Variants in PBDC1 observed in about 807,000 individuals in gnomAD.
The protein encoded by PBDC1 is polysaccharide biosynthesis domain containing 1, also known as protein PBDC1.
A neutral mutation model predicts 12.0 loss-of-function variants in PBDC1; 3 were observed. The observed-to-expected ratio is 0.25, with a 90% confidence interval of 0.11 to 0.64. The LOEUF is 0.64. Among genes scored for constraint, PBDC1 ranks in the 30% least tolerant of loss-of-function variants. PBDC1 has a pLI of 0.84. For missense variants in PBDC1, 162 were observed against 168.1 expected (o/e 0.96, Z 0.20); for synonymous variants, 64 against 56.4 (o/e 1.13, Z -0.60).
intron 2 of PBDC1, among the ~76,000 whole-genome samples, chrX:76,173,942 T>A (rs1924726591): frequency 8.9e-6 from 1 of 112,056 alleles, no homozygotes; most frequent in African/African-American, 3.3e-5. Context: ...AATGTCTGGG[T>A]AATGAGAGCC....
At chrX:76,175,956 G>A (rs782147313) in intron 4 of PBDC1, among the ~76,000 whole-genome samples, 1 of 111,083 alleles carries the variant, frequency 9.0e-6, no homozygotes, top group African/African-American at 3.3e-5. Flanking sequence ...TGATTCTCTG[G>A]ATTTAAGTTC....
chrX:76,177,876 G>T lies in PBDC1; in HGVS notation c.670G>T (p.Glu224Ter). ...AGAAAAAGGGAAAGAAGCTGACAAA[G>T]AAATCAACAAAAGTGGTGAAAAAGC... ...GGEKGKEADKEINKSGEKAM is the reference protein window; with the variant it reads ...GGEKGKEADK Residue 224 changes from glutamate to a stop codon, truncating the protein, a stop_gained, in exon 6 of 6, where the codon GAA becomes TAA. Coordinates refer to ENST00000373358, the MANE Select transcript of PBDC1 (RefSeq NM_016500.5). LOFTEE classifies it low-confidence loss of function (END_TRUNC). The T allele has an allele frequency of 8.3e-7, 1 of 1,211,271 alleles. No individual in the cohort carries two copies. Among genetic ancestry groups the T allele is most frequent in the African/African-American group, 1.7e-5 (1 of 57,750 alleles).
chrX:76,173,530 G>A, intron 1 of PBDC1, 55 bp from the exon 2 acceptor site: 1 of 964,491 alleles, frequency 1.0e-6, no homozygotes, highest in Non-Finnish European at 1.4e-6. Flanking sequence ...GCCTTGGGGG[G>A]AGCCACCGCG....
At chrX:76,174,841 G>A (rs1924748580) in intron 2 of PBDC1, 49 bp from the exon 3 acceptor site, 4 of 1,042,649 alleles carry the variant, frequency 3.8e-6, no homozygotes, top group Non-Finnish European at 5.4e-6. Flanking sequence ...TTGCTATTCA[G>A]TAGTAGGATG....
chrX:76,175,070 G>A (rs1924756306), intron 3 of PBDC1, 121 bp downstream of exon 3: 2 of 595,897 alleles, frequency 3.4e-6, no homozygotes, highest in South Asian at 2.9e-5. Context: ...TTTTATTAAT[G>A]TAAGTTCTTA....
At position 76,177,831 on chromosome X, in the gene PBDC1, G is replaced by A. The variant is rs782003432; in HGVS notation, c.625G>A (p.Asp209Asn). 2 of 1,203,691 alleles carry A rather than the reference G, an allele frequency of 1.7e-6. No homozygotes were observed. Among genetic ancestry groups the A allele is most frequent in the African/African-American group, 3.5e-5 (2 of 56,463 alleles). Residue 209 changes from aspartate to asparagine, a missense_variant, in exon 6 of 6, where the codon GAC becomes AAC. By Grantham distance (23) the Asp-to-Asn change is conservative. Around this residue, in one of 3 missense-constraint regions of PBDC1, gnomAD observed 100 missense variants for 96.2 expected, o/e 1.04. Transcript: ENST00000373358. ...EEKEEGINRE[D>N]KTDKGGEKGK... is the part of the protein sequence containing the mutation. ...AAAAGAGGAAGGAATCAACAGAGAA[G>A]ACAAAACTGACAAAGGAGGAGAAAA...
Position 76,178,030 on chromosome X carries a change from A to G in PBDC1, c.*122A>G. On this transcript the variant is annotated 3_prime_UTR_variant, in exon 6 of 6. Coordinates refer to ENST00000373358, the MANE Select transcript of PBDC1 (RefSeq NM_016500.5). Reference sequence around the variant, plus strand: ...CTTGTACAATTGAAGGATACGCAGAAGGACATCTTTCTAGTCTAACAGTCA... The same window carrying G: ...CTTGTACAATTGAAGGATACGCAGAGGGACATCTTTCTAGTCTAACAGTCA... 1 of 1,139,303 alleles carries G rather than the reference A, an allele frequency of 8.8e-7. No individual in the cohort carries two copies. Among genetic ancestry groups the G allele is most frequent in the Non-Finnish European group, 1.2e-6 (1 of 856,360 alleles). The allele number at this position is 1,139,303 out of a possible 1,213,427, so 93.9% of individuals were successfully genotyped here.
Position 76,177,800 on chromosome X carries a change from A to G in PBDC1, c.594A>G (p.Gly198=). ...GAGGAGAGAAAGGAGCTGATAGTGG[A>G]GAAGAAAAAGAGGAAGGAATCAACA... ...KNGGEKGADS[G]EEKEEGINRE... Residue 198 remains glycine, a synonymous_variant, in exon 6 of 6, where the codon GGA becomes GGG. Coordinates refer to ENST00000373358, the MANE Select transcript of PBDC1 (RefSeq NM_016500.5). The G allele has an allele frequency of 8.3e-7, 1 of 1,201,779 alleles. No individual in the cohort carries two copies. Among genetic ancestry groups the G allele is most frequent in the East Asian group, 3.0e-5 (1 of 33,513 alleles).
intron 4 of PBDC1, among the ~76,000 whole-genome samples, chrX:76,176,331 T>G (rs782449303): frequency 9.0e-6 from 1 of 110,599 alleles, no homozygotes; most frequent in African/African-American, 3.3e-5. Flanking sequence ...TATTTTGTAT[T>G]TTTGGTAGAG....
rs200499663 is a variant in PBDC1, at chrX:76,177,671, C to T, written c.465C>T (p.Asn155=). Residue 155 remains asparagine (N), a synonymous_variant, in exon 6 of 6, where the codon AAC becomes AAT. Coordinates refer to ENST00000373358, the MANE Select transcript of PBDC1 (RefSeq NM_016500.5). ...IEIARNREGY[N]KAVYISVQDK... ...TTGCTCGGAACCGGGAAGGCTATAA[C>T]AAAGCTGTTTATATCAGTGTTCAGG... The T allele has an allele frequency of 2.6e-4, 304 of 1,191,569 alleles. 1 individual carries two copies. Among genetic ancestry groups the T allele is most frequent in the Admixed American group, 2.0e-4 (8 of 40,050 alleles).
chrX:76,174,267 G>A (rs1307306588), intron 2 of PBDC1, among the ~76,000 whole-genome samples: 1 of 111,425 alleles, frequency 9.0e-6, no homozygotes, highest in Non-Finnish European at 1.9e-5. Context: ...CGTGGGAAAA[G>A]TGCATGGTCT....
At position 76,178,142 on chromosome X, in the gene PBDC1, T is replaced by A; in HGVS notation, c.*234T>A. The A allele has an allele frequency of 2.3e-6, 1 of 434,679 alleles. No individual in the cohort carries two copies. Among genetic ancestry groups the A allele is most frequent in the Non-Finnish European group, 3.8e-6 (1 of 265,491 alleles). 35.8% of individuals were successfully genotyped at this position (434,679 alleles called of 1,213,427 possible). A position where few individuals can be genotyped will look rare whatever the true frequency, so the allele number is the denominator to read the frequency against. On this transcript the variant is annotated 3_prime_UTR_variant, in exon 6 of 6. Transcript: ENST00000373358. ...TGATTTTTCCTGGTATACTGTTTCT[T>A]GGCTGACACTACTGGTCAAGTAAGA...
At position 76,173,580 on chromosome X, in the gene PBDC1, T is replaced by C. The variant is rs782315749; in HGVS notation, c.31-5T>C. 4.2e-6 allele frequency: 5 copies of C among 1,190,225 alleles called. No individual in the cohort carries two copies. The highest frequency in any genetic ancestry group is 5.7e-6 in the Non-Finnish European group (5 of 884,398). On this transcript the variant is annotated splice_polypyrimidine_tract_variant and splice_region_variant and intron_variant, in intron 1 of 5. Coordinates refer to ENST00000373358, the MANE Select transcript of PBDC1 (RefSeq NM_016500.5). Reference sequence around the variant, plus strand: ...GAGCCTTGAACTCTTTTTCCTCCTTTCTAGGTTTCCGGGGAGTTGGTGTCT... The same window carrying C: ...GAGCCTTGAACTCTTTTTCCTCCTTCCTAGGTTTCCGGGGAGTTGGTGTCT...
chrX:76,173,148 A>G lies in PBDC1; in HGVS notation c.10A>G (p.Thr4Ala). The change falls in exon 1 of 6, where the codon ACC (threonine) becomes GCC (alanine). Residue 4 changes from threonine to alanine, a missense_variant. Around this residue, in one of 3 missense-constraint regions of PBDC1, gnomAD observed 41 missense variants for 28.5 expected, o/e 1.44. Transcript: ENST00000373358. MAA[T>A]SGTDEPVSGE... ...TTTCGGGGGTTGCAAGATGGCGGCC[A>G]CCAGTGGAACTGATGAGCCGGTGAG... The G allele has an allele frequency of 8.5e-7, 1 of 1,178,910 alleles. No individual in the cohort carries two copies. The highest frequency in any genetic ancestry group is 1.9e-5 in the South Asian group (1 of 53,275).
At chrX:76,174,801 A>G in intron 2 of PBDC1, 89 bp from the exon 3 acceptor site, 1 of 714,734 alleles carries the variant, frequency 1.4e-6, no homozygotes, top group Non-Finnish European at 2.2e-6. Context: ...CCTCTTGAGC[A>G]TTAACTAGAC....
rs1185206251 is a variant in PBDC1 at position 76,178,158 on chromosome X, T to C, written c.*250T>C. On this transcript the variant is annotated 3_prime_UTR_variant, in exon 6 of 6. Transcript: ENST00000373358. ...ACTGTTTCTTGGCTGACACTACTGG[T>C]CAAGTAAGAAATTTGTAAATAAATT... 1 of 382,830 alleles carries C rather than the reference T, an allele frequency of 2.6e-6. No individual in the cohort carries two copies. Among genetic ancestry groups the C allele is most frequent in the African/African-American group, 2.6e-5 (1 of 38,675 alleles). 31.5% of individuals were successfully genotyped at this position (382,830 alleles called of 1,213,427 possible). A position where few individuals can be genotyped will look rare whatever the true frequency, so the allele number is the denominator to read the frequency against.
chrX:76,173,668 A>C lies in PBDC1; in HGVS notation c.96+18A>C. On this transcript the variant is annotated intron_variant, in intron 2 of 5. Transcript: ENST00000373358. ...GCAACGATGTGAGTATGACTCACCC[A>C]CAGCTCCCACCCACTCAGCTAGCCT... The C allele has an allele frequency of 1.8e-6, 2 of 1,112,865 alleles. No individual in the cohort carries two copies. The highest frequency in any genetic ancestry group is 2.4e-6 in the Non-Finnish European group (2 of 831,218). The allele number at this position is 1,112,865 out of a possible 1,213,427, so 91.7% of individuals were successfully genotyped here.
intron 4 of PBDC1, among the ~76,000 whole-genome samples, chrX:76,176,038 A>G (rs982144393): frequency 3.6e-5 from 4 of 112,242 alleles, no homozygotes; most frequent in African/African-American, 1.3e-4. Context: ...CTATACTTTG[A>G]TAGGAAACTA....
chrX:76,177,812 G>C lies in PBDC1; in HGVS notation c.606G>C (p.Glu202Asp), dbSNP rs1481151966. Residue 202 changes from glutamate (E) to aspartate (D), a missense_variant, in exon 6 of 6, where the codon GAG becomes GAC. Physicochemically the swap from Glu to Asp is conservative, Grantham distance 45. Around this residue, in one of 3 missense-constraint regions of PBDC1, gnomAD observed 100 missense variants for 96.2 expected, o/e 1.04. Transcript: ENST00000373358. ...GAGCTGATAGTGGAGAAGAAAAAGA[G>C]GAAGGAATCAACAGAGAAGACAAAA... is the stretch of plus-strand genomic sequence containing the variant. The part of the protein sequence containing the change: ...EKGADSGEEK[E>D]EGINREDKTD... 9 of 1,202,497 alleles carry C rather than the reference G, an allele frequency of 7.5e-6. No individual in the cohort carries two copies. Among genetic ancestry groups the C allele is most frequent in the Non-Finnish European group, 1.0e-5 (9 of 891,180 alleles).
Sources: allele counts gnomAD v4.1 joint callset (sites outside exome capture counted in the v4.1 genomes callset), GRCh38; gene constraint gnomAD v4.1.1; regional missense constraint gnomAD v4.1.1; transcripts MANE v1.5; gene names NCBI Gene and HGNC (gene_info 2026-07-23, HGNC 2026-07-21).